The following SPSB4 variants were observed in gnomAD, a reference collection of about 807,000 sequenced individuals.
The protein encoded by SPSB4 is splA/ryanodine receptor domain and SOCS box containing 4, also known as SPRY domain-containing SOCS box protein 4.
Under a neutral mutation model 20.9 loss-of-function variants are expected in SPSB4, and 21 were observed. The observed-to-expected ratio is 1.01, with a 90% confidence interval of 0.71 to 1.45. The LOEUF (loss-of-function observed/expected upper bound fraction) is 1.45, where lower values mean the gene tolerates loss of function less well. Ranked by LOEUF, SPSB4 falls within the 40% of genes most tolerant of loss-of-function variation. The pLI is 0.00. For synonymous variants in SPSB4, 207 were observed against 183.8 expected, an observed-to-expected ratio of 1.13 and a Z score of -1.02; for missense variants, 399 against 399.2, an observed-to-expected ratio of 1.00 and a Z score of 0.00.
At chr3:141,138,731 T>G (rs1004308419) in intron 2 of SPSB4, among the ~76,000 whole-genome samples, 14 of 152,362 alleles carry the variant, frequency 9.2e-5, no homozygotes, top group African/African-American at 2.9e-4. Context: ...CTTTTACATT[T>G]GCTGAGGAGT....
chr3:141,070,897 G>A (rs7622090), intron 2 of SPSB4, among the ~76,000 whole-genome samples: 46,574 of 152,110 alleles, frequency 0.31, 10,926 homozygotes, highest in African/African-American at 0.65. Flanking sequence ...GAGAGAATGC[G>A]CAGGAGCATC....
intron 1 of SPSB4, among the ~76,000 whole-genome samples, chr3:141,056,886 C>T (rs76665263): frequency 0.017 from 2,635 of 152,354 alleles, 72 homozygotes; most frequent in African/African-American, 0.06. Flanking sequence ...TTTCAAATGA[C>T]CTTGCAGAGC....
At position 141,135,378 on chromosome 3, in the gene SPSB4, T is replaced by G. The variant is rs1482322324; in HGVS notation, c.695-11764T>G. On this transcript the variant is annotated intron_variant, in intron 2 of 2. Coordinates refer to ENST00000310546, the MANE Select transcript of SPSB4 (RefSeq NM_080862.3). Reference sequence around the variant, plus strand: ...ATTATTATTATACCTTAAGTTTTAGTATACATGTGCACAACGTGCAGGTTT... The same window carrying G: ...ATTATTATTATACCTTAAGTTTTAGGATACATGTGCACAACGTGCAGGTTT... Among the ~76,000 whole-genome samples the G allele has an allele frequency of 2.0e-5, 3 of 148,076 alleles. No individual in the cohort carries two copies. In the Admixed American group the frequency reaches 2.1e-4, roughly 10 times the overall value.
Position 141,066,626 on chromosome 3 carries a change from C to T in SPSB4, c.522C>T (p.Pro174=), listed in dbSNP as rs374548373. 24 of 1,607,282 alleles carry T rather than the reference C, an allele frequency of 1.5e-5. No individual in the cohort carries two copies. The highest frequency in any genetic ancestry group is 1.9e-5 in the Non-Finnish European group (22 of 1,176,934). ...GGCCCGACGAGGCCTTTGCGCTGCC[C>T]GACTCGCTGCTCGTGGTGCTGGACA... ...FLGPDEAFAL[P]DSLLVVLDMD... Residue 174 remains proline (P), a synonymous_variant, in exon 2 of 3, where the codon CCC becomes CCT. Coordinates refer to ENST00000310546, the MANE Select transcript of SPSB4 (RefSeq NM_080862.3).
chr3:141,052,378 G>A (rs1244631701), intron 1 of SPSB4, among the ~76,000 whole-genome samples: 1 of 152,194 alleles, frequency 6.6e-6, no homozygotes, highest in African/African-American at 2.4e-5. Context: ...CATTTTATAG[G>A]GGTATTGGAA....
chr3:141,131,476 GC>G (rs1002357225), intron 2 of SPSB4, among the ~76,000 whole-genome samples: 33 of 151,558 alleles, frequency 2.2e-4, no homozygotes, highest in African/African-American at 7.5e-4. Flanking sequence ...GAAAATTCCA[GC>G]CCCCCCTTCC....
At chr3:141,059,569 C>T (rs1937724646) in intron 1 of SPSB4, among the ~76,000 whole-genome samples, 1 of 152,124 alleles carries the variant, frequency 6.6e-6, no homozygotes, top group Admixed American at 6.5e-5. Context: ...ATCCCTAAGA[C>T]AGCACCAAGC....
intron 2 of SPSB4, among the ~76,000 whole-genome samples, chr3:141,082,146 A>T (rs1938244236): frequency 6.6e-6 from 1 of 152,280 alleles, no homozygotes; most frequent in Admixed American, 6.5e-5. Context: ...TCCCTGACAC[A>T]TGTGTGCATC....
chr3:141,091,760 T>C (rs6789132), intron 2 of SPSB4, among the ~76,000 whole-genome samples: 19,280 of 152,234 alleles, frequency 0.13, 2,027 homozygotes, highest in African/African-American at 0.27. Flanking sequence ...TCGCTCAGGA[T>C]AGCCCAATGG....
intron 1 of SPSB4, among the ~76,000 whole-genome samples, chr3:141,053,076 T>C (rs1427410822): frequency 2.6e-5 from 4 of 152,154 alleles, no homozygotes; most frequent in African/African-American, 9.7e-5. Flanking sequence ...CGGTGTGACC[T>C]TGGGCAAGTT....
rs201944431 is a variant in SPSB4, at chr3:141,141,425, C to T, written c.695-5717C>T. 5.6e-4 allele frequency among the ~76,000 whole-genome samples: 86 copies of T among 152,310 alleles called. No individual in the cohort carries two copies. The East Asian group carries it at 0.012, about 21-fold the overall frequency. On this transcript the variant is annotated intron_variant, in intron 2 of 2. Transcript: ENST00000310546. ...AATCACCCATCTTCTGCATCGCTCA[C>T]GCTGGGAGTTGTAGACTGGAGCTGT...
intron 1 of SPSB4, among the ~76,000 whole-genome samples, chr3:141,060,986 T>C (rs1045836246): frequency 6.6e-6 from 1 of 152,232 alleles, no homozygotes; most frequent in Non-Finnish European, 1.5e-5. Context: ...GTAATTTGTG[T>C]TGCAAATTTT....
intron 2 of SPSB4, among the ~76,000 whole-genome samples, chr3:141,104,703 C>T (rs1280324447): frequency 2.0e-5 from 3 of 152,252 alleles, no homozygotes; most frequent in Admixed American, 6.5e-5. Context: ...GGAGCCAGCA[C>T]AGGCTGCGCG....
chr3:141,140,463 T>C (rs1369209581), intron 2 of SPSB4, among the ~76,000 whole-genome samples: 1 of 152,238 alleles, frequency 6.6e-6, no homozygotes, highest in Non-Finnish European at 1.5e-5. Context: ...TTTGTGGTTT[T>C]ATCTATGTTT....
chr3:141,052,846 G>A (rs141747303), intron 1 of SPSB4, among the ~76,000 whole-genome samples: 2,062 of 152,312 alleles, frequency 0.014, 21 homozygotes, highest in Middle Eastern at 0.024. Context: ...CGCTCTGTAC[G>A]CGCCAGGGGC....
chr3:141,064,286 G>C (rs1361154975), intron 1 of SPSB4, among the ~76,000 whole-genome samples: 1 of 152,224 alleles, frequency 6.6e-6, no homozygotes, highest in Non-Finnish European at 1.5e-5. Flanking sequence ...GGTTATAAAT[G>C]TGTTCTAGTT....
chr3:141,112,147 C>A (rs1938808237), intron 2 of SPSB4, among the ~76,000 whole-genome samples: 1 of 152,234 alleles, frequency 6.6e-6, no homozygotes, highest in Non-Finnish European at 1.5e-5. Context: ...CTCCAAGATG[C>A]CCTTAGGCAG....
chr3:141,114,428 T>C (rs573846159), intron 2 of SPSB4, among the ~76,000 whole-genome samples: 2 of 152,330 alleles, frequency 1.3e-5, no homozygotes, highest in East Asian at 3.9e-4. Context: ...AATGCGCAGG[T>C]GCCTGTCCTC....
chr3:141,118,537 T>C (rs1938916373), intron 2 of SPSB4, among the ~76,000 whole-genome samples: 1 of 152,260 alleles, frequency 6.6e-6, no homozygotes, highest in South Asian at 2.1e-4. Context: ...GCCATTGCTT[T>C]TGGTGTTTTA....
Sources: gnomAD v4.1 joint callset for allele counts (sites outside exome capture counted in the v4.1 genomes callset) on GRCh38, gnomAD v4.1.1 for gene constraint, MANE v1.5 for transcripts, NCBI Gene and HGNC (gene_info 2026-07-23, HGNC 2026-07-21) for gene names.